Variants in OTOG observed in about 807,000 individuals in gnomAD.
OTOG encodes the protein otogelin.
A neutral mutation model predicts 313.8 loss-of-function variants in OTOG; 296 were observed. The observed-to-expected ratio is 0.94, with a 90% CI of 0.86 to 1.04. The LOEUF (loss-of-function observed/expected upper bound fraction) is 1.04, where lower values mean the gene tolerates loss of function less well. Among genes scored for constraint, OTOG ranks in the 50% least tolerant of loss-of-function variants. The probability of loss-of-function intolerance (pLI) is 0.00; values close to 1 mark genes in which losing one functional copy is unlikely to be tolerated. For synonymous variants in OTOG, 1,533 were observed against 1,554.9 expected (o/e 0.99, Z 0.33); for missense variants, 3,948 against 3,840.1 (o/e 1.03, Z -0.74).
intron 15 of OTOG, among the ~76,000 whole-genome samples, chr11:17,563,584 G>A (rs1035250942): frequency 1.3e-5 from 2 of 152,206 alleles, no homozygotes; most frequent in East Asian, 1.9e-4. Flanking sequence ...TCCTGAGGGT[G>A]GCATAAGACA....
At chr11:17,557,937 C>T (rs1205302667) in intron 8 of OTOG, among the ~76,000 whole-genome samples, 1 of 152,164 alleles carries the variant, frequency 6.6e-6, no homozygotes, top group Non-Finnish European at 1.5e-5. Context: ...CATGGTGCTG[C>T]ATCCCCTGAG....
chr11:17,548,594 GA>G (rs1565085624), intron 3 of OTOG, among the ~76,000 whole-genome samples: 2 of 152,056 alleles, frequency 1.3e-5, no homozygotes, highest in Non-Finnish European at 2.9e-5. Flanking sequence ...AACCCTGTCA[GA>G]GGCTCCTCTC....
In OTOG at chr11:17,631,897, G is replaced by T. The variant is rs1373360779; in HGVS notation, c.6908G>T (p.Arg2303Leu). ...CSPCLRMVSNRTFSACHRFVP... is the reference protein window; with the variant it reads ...CSPCLRMVSNLTFSACHRFVP... ...CCCTGCCTTCGCATGGTGTCCAACC[G>T]CACCTTCAGTGCCTGCCACCGCTTT... Residue 2303 changes from arginine to leucine, a missense_variant, in exon 41 of 56, where the codon CGC (arginine) becomes CTC (leucine). Transcript: ENST00000399397. 1 of 1,550,082 alleles carries T rather than the reference G, an allele frequency of 6.5e-7. No individual in the cohort carries two copies. Among genetic ancestry groups the T allele is most frequent in the Non-Finnish European group, 8.7e-7 (1 of 1,147,002 alleles).
rs370490006 is a variant in OTOG, at chr11:17,639,963, G to T, written c.7935+500G>T. 6.6e-5 allele frequency among the ~76,000 whole-genome samples: 10 copies of T among 150,762 alleles called. No homozygotes were observed. In the East Asian group the frequency reaches 1.6e-3, roughly 23 times the overall value. ...ATAATGCAATGATGGTGGTGGTGGG[G>T]ACAGTGAGGGTGATGGTGATAATGC... On this transcript the variant is annotated intron_variant, in intron 49 of 55. Coordinates refer to ENST00000399397, the MANE Select transcript of OTOG (RefSeq NM_001292063.2).
chr11:17,570,801 G>A (rs1383605521), intron 17 of OTOG, among the ~76,000 whole-genome samples: 1 of 152,166 alleles, frequency 6.6e-6, no homozygotes, highest in African/African-American at 2.4e-5. Context: ...TTTTAATTGA[G>A]GTGGACACCA....
chr11:17,555,207 A>ATGTGTGTGTGTGTG (rs57148062), intron 6 of OTOG, among the ~76,000 whole-genome samples: 29 of 141,160 alleles, frequency 2.1e-4, no homozygotes, highest in African/African-American at 7.5e-4. Flanking sequence ...GGGGGCAGAG[A>ATGTGTGTGTGTGTG]TGTGTGTGTG....
rs61734214 is a variant in OTOG at position 17,576,581 on chromosome 11, G to C, written c.2512G>C (p.Gly838Arg). The C allele has an allele frequency of 1.6e-3, 2,459 of 1,550,570 alleles. 35 individuals are homozygous for C. In the African/African-American group the frequency reaches 0.031, roughly 19 times the overall value. ...GAACCAGTGCTCCTGCCACTTCCAG[G>C]GAGTGGACTATCCCCCCGGAGACAG... is the stretch of plus-strand genomic sequence containing the variant. ...PRNQCSCHFQ[G>R]VDYPPGDSDI... is the part of the protein sequence containing the mutation. The change falls in exon 21 of 56, where the codon GGA (glycine) becomes CGA (arginine). Residue 838 changes from glycine (G) to arginine (R), a missense_variant. Transcript: ENST00000399397.
At chr11:17,642,923 C>T (rs971998328) in intron 53 of OTOG, among the ~76,000 whole-genome samples, 3 of 152,220 alleles carry the variant, frequency 2.0e-5, no homozygotes, top group African/African-American at 7.2e-5. Flanking sequence ...AAATCACACA[C>T]ACATACTGAG....
rs1173117859 is a variant in OTOG, at chr11:17,602,361, C to T, written c.3861C>T (p.Tyr1287=). 6.5e-7 allele frequency: 1 copy of T among 1,550,098 alleles called. No homozygotes were observed. The highest frequency in any genetic ancestry group is 2.4e-5 in the East Asian group (1 of 40,934). Residue 1287 remains tyrosine (Y), a synonymous_variant, in exon 32 of 56, where the codon TAC becomes TAT. Transcript: ENST00000399397. The part of the protein sequence containing the change: ...IVSFLLTAAL[Y]KAKAHDPDVV... The stretch of plus-strand genomic sequence containing the variant: ...GCTTCCTGCTGACAGCTGCTCTGTA[C>T]AAGGCCAAGGCCCATGGTAAGGCCC...
chr11:17,638,035 G>A (rs60504216), intron 47 of OTOG, among the ~76,000 whole-genome samples: 7,739 of 152,256 alleles, frequency 0.051, 566 homozygotes, highest in African/African-American at 0.16. Context: ...CTGCAGGGTA[G>A]CATCAGCTGA....
intron 15 of OTOG, among the ~76,000 whole-genome samples, chr11:17,566,048 C>T (rs1459774414): frequency 6.6e-6 from 1 of 152,122 alleles, no homozygotes; most frequent in Non-Finnish European, 1.5e-5. Flanking sequence ...TTCCTTTAGG[C>T]CTTCTCAGCT....
intron 3 of OTOG, among the ~76,000 whole-genome samples, chr11:17,549,624 C>A (rs1199254585): frequency 6.6e-6 from 1 of 152,228 alleles, no homozygotes; most frequent in Non-Finnish European, 1.5e-5. Context: ...CCAGGCCGTG[C>A]ATACAGGACT....
intron 6 of OTOG, among the ~76,000 whole-genome samples, chr11:17,555,078 G>A (rs7119889): frequency 0.35 from 53,671 of 152,072 alleles, 10,190 homozygotes; most frequent in Middle Eastern, 0.51. Flanking sequence ...CTGATGGAAG[G>A]TGCCTTCCTG....
At chr11:17,551,956 T>G in intron 3 of OTOG, 44 bp from the exon 4 acceptor site, 2 of 1,531,826 alleles carry the variant, frequency 1.3e-6, no homozygotes, top group Non-Finnish European at 8.8e-7. Context: ...GAACCCGTCC[T>G]GAGGTCAGCC....
intron 47 of OTOG, among the ~76,000 whole-genome samples, chr11:17,638,144 ACCCTAATGGCTGGCTCT>A (rs1348670063): frequency 6.6e-6 from 1 of 152,194 alleles, no homozygotes; most frequent in African/African-American, 2.4e-5. Flanking sequence ...AGCAGACCTT[ACCCTAATGGCTGGCTCT>A]CCCTGGACCA....
intron 31 of OTOG, among the ~76,000 whole-genome samples, chr11:17,601,064 A>G (rs1415583553): frequency 6.6e-6 from 1 of 152,222 alleles, no homozygotes; most frequent in Non-Finnish European, 1.5e-5. Context: ...TGTTTACGCC[A>G]TGGAAATCCA....
chr11:17,554,723 G>A (rs988133464), intron 6 of OTOG, among the ~76,000 whole-genome samples: 9 of 152,258 alleles, frequency 5.9e-5, no homozygotes, highest in South Asian at 4.1e-4. Context: ...TCTCTGCCTC[G>A]GCCTATCACA....
At chr11:17,563,989 C>T (rs1852249394) in intron 15 of OTOG, among the ~76,000 whole-genome samples, 1 of 151,914 alleles carries the variant, frequency 6.6e-6, no homozygotes, top group Non-Finnish European at 1.5e-5. Context: ...AGCCACCACA[C>T]CTGGCCATCA....
In OTOG at chr11:17,611,291, C is replaced by T. The variant is rs1271957239; in HGVS notation, c.5991C>T (p.His1997=). The T allele has an allele frequency of 1.9e-6, 3 of 1,550,432 alleles. No individual in the cohort carries two copies. The African/African-American group carries it at 4.1e-5, about 21-fold the overall frequency. ...AEAHGTSAGP[H]LAAEPVDEAT... ...CCCATGGAACCTCGGCAGGGCCTCA[C>T]CTGGCAGCAGAGCCGGTGGACGAGG... The change falls in exon 36 of 56, where the codon CAC becomes CAT. Residue 1997 remains histidine, a synonymous_variant. Coordinates refer to ENST00000399397, the MANE Select transcript of OTOG (RefSeq NM_001292063.2).
Sources: gnomAD v4.1 joint callset for allele counts (sites outside exome capture counted in the v4.1 genomes callset) on GRCh38, gnomAD v4.1.1 for gene constraint, MANE v1.5 for transcripts, NCBI Gene and HGNC (gene_info 2026-07-23, HGNC 2026-07-21) for gene names.